MYH10: variants seen among roughly 807,000 people sequenced by gnomAD.
The protein encoded by MYH10 is myosin-10.
MYH10 carries 55 observed loss-of-function variants against 257.8 expected under a neutral mutation model. The ratio of observed to expected loss-of-function variants is 0.21; its 90% CI spans 0.17 to 0.27. MYH10 has a LOEUF of 0.27. MYH10 is among the 10% of genes least tolerant of loss of function. The probability of loss-of-function intolerance (pLI) is 1.00; values close to 1 mark genes in which losing one functional copy is unlikely to be tolerated. For synonymous variants in MYH10, 854 were observed against 921.7 expected, an observed-to-expected ratio of 0.93 and a Z score of 1.33; for missense variants, 1,631 against 2,500.6, an observed-to-expected ratio of 0.65 and a Z score of 7.42.
At chr17:8,585,015 G>A (rs2083842483) in intron 4 of MYH10, among the ~76,000 whole-genome samples, 1 of 151,698 alleles carries the variant, frequency 6.6e-6, no homozygotes, top group South Asian at 2.1e-4. Context: ...GGCCAATTTT[G>A]TATTTTTAGT....
At chr17:8,491,976 G>A (rs1249278733) in intron 34 of MYH10, among the ~76,000 whole-genome samples, 1 of 152,136 alleles carries the variant, frequency 6.6e-6, no homozygotes, top group Non-Finnish European at 1.5e-5. Flanking sequence ...TACCTGTGAC[G>A]GCAGAACCAT....
chr17:8,480,298 C>A lies in MYH10; in HGVS notation c.5409G>T (p.Glu1803Asp). Residue 1803 changes from glutamate (E) to aspartate (D), a missense_variant, in exon 40 of 43, where the codon GAG becomes GAT. Glu to Asp is a conservative substitution (Grantham distance 45). Transcript: ENST00000360416. ...TTLQVDTLNA[E>D]LAAERSAAQK... is the part of the protein sequence containing the mutation. The stretch of plus-strand genomic sequence containing the variant: ...GGGCGGCGCTGCGCTCGGCTGCTAG[C>A]TCGGCGTTCAGTGTGTCCACCTAGA... 1 of 1,614,150 alleles carries A rather than the reference C, an allele frequency of 6.2e-7. No homozygotes were observed. The highest frequency in any genetic ancestry group is 8.5e-7 in the Non-Finnish European group (1 of 1,180,034).
At chr17:8,519,755 A>G (rs1403481201) in intron 19 of MYH10, among the ~76,000 whole-genome samples, 1 of 152,144 alleles carries the variant, frequency 6.6e-6, no homozygotes, top group Admixed American at 6.6e-5. Context: ...TTGACCTGGC[A>G]GCACCATTTA....
chr17:8,528,371 C>T (rs907868563), intron 17 of MYH10, among the ~76,000 whole-genome samples: 2 of 152,146 alleles, frequency 1.3e-5, no homozygotes, highest in Non-Finnish European at 2.9e-5. Context: ...GCATCTTCCA[C>T]TACTGGTTTA....
At chr17:8,488,273 A>T (rs1249063754) in intron 35 of MYH10, among the ~76,000 whole-genome samples, 2 of 152,150 alleles carry the variant, frequency 1.3e-5, no homozygotes, top group Non-Finnish European at 2.9e-5. Context: ...CTGTGCTCAC[A>T]CTGTGTGAGG....
chr17:8,504,354 C>T lies in MYH10; in HGVS notation c.3599+340G>A, dbSNP rs2081004606. On this transcript the variant is annotated intron_variant, in intron 28 of 42. Transcript: ENST00000360416. The surrounding 1 kb of genome is among the most constrained non-coding windows in gnomAD (Gnocchi z 5.6). Reference sequence around the variant, plus strand: ...CTCCTATTCCTGTGTTTACCCTTCTCCCTCTGGTCCTATCTATCTAAATCT... The same window carrying T: ...CTCCTATTCCTGTGTTTACCCTTCTTCCTCTGGTCCTATCTATCTAAATCT... 6.6e-6 allele frequency among the ~76,000 whole-genome samples: 1 copy of T among 152,152 alleles called. No individual in the cohort carries two copies. The highest frequency in any genetic ancestry group is 2.4e-5 in the African/African-American group (1 of 41,418).
chr17:8,592,940 T>C (rs1010507280), intron 3 of MYH10, among the ~76,000 whole-genome samples: 1,287 of 86,796 alleles, frequency 0.015, 164 homozygotes, highest in African/African-American at 0.048. Flanking sequence ...CAGCTATATA[T>C]ATATATATAT....
At chr17:8,576,753 G>T in intron 5 of MYH10, 81 bp from the exon 6 acceptor site, 1 of 1,372,512 alleles carries the variant, frequency 7.3e-7, no homozygotes, top group Non-Finnish European at 1.0e-6. Flanking sequence ...AAAGCACCAA[G>T]CCAATGTGCA....
chr17:8,609,929 G>C (rs2084960814), intron 2 of MYH10, among the ~76,000 whole-genome samples: 1 of 151,798 alleles, frequency 6.6e-6, no homozygotes, highest in African/African-American at 2.4e-5. Context: ...AGAAAACTGT[G>C]TGTGTGGAGG....
chr17:8,591,967 G>A (rs553213415), intron 3 of MYH10, among the ~76,000 whole-genome samples: 10 of 152,242 alleles, frequency 6.6e-5, no homozygotes, highest in African/African-American at 2.4e-4. Context: ...TACCCTTCAA[G>A]GATCAACTGC....
chr17:8,506,631 G>A lies in MYH10; in HGVS notation c.3215-142C>T. 1.3e-6 allele frequency: 1 copy of A among 794,708 alleles called. No individual in the cohort carries two copies. 49.2% of individuals were successfully genotyped at this position (794,708 alleles called of 1,614,324 possible). A position where few individuals can be genotyped will look rare whatever the true frequency, so the allele number is the denominator to read the frequency against. On this transcript the variant is annotated intron_variant, in intron 26 of 42. Transcript: ENST00000360416. This position sits in a 1 kb window ranked among gnomAD's most constrained non-coding sequence, Gnocchi z 5.0. ...TGCCCTGATGACATGGTCATGCGCTGATGTCAACTGCTCAGTCATTTCAAA... is the reference window on the plus strand; with the variant it reads ...TGCCCTGATGACATGGTCATGCGCTAATGTCAACTGCTCAGTCATTTCAAA...
intron 2 of MYH10, among the ~76,000 whole-genome samples, chr17:8,620,453 G>A (rs2085421672): frequency 6.8e-6 from 1 of 147,624 alleles, no homozygotes; most frequent in Non-Finnish European, 1.5e-5. Context: ...TAGGAAAGAA[G>A]ATGAAAATTA....
intron 2 of MYH10, among the ~76,000 whole-genome samples, chr17:8,618,640 C>T (rs1009887126): frequency 5.9e-5 from 9 of 152,160 alleles, no homozygotes; most frequent in Admixed American, 2.0e-4. Context: ...GTTTACCTTG[C>T]GTATTGAACA....
At position 8,514,495 on chromosome 17, in the gene MYH10, A is replaced by G. The variant is rs143806857; in HGVS notation, c.2505-601T>C. On this transcript the variant is annotated intron_variant, in intron 21 of 42. Coordinates refer to ENST00000360416, the MANE Select transcript of MYH10 (RefSeq NM_001256012.3). ...GTGGAGCCCTCACCTCCTTGTGACC[A>G]TACCTGGGCTTCCCACTACACCCTG... Among the ~76,000 whole-genome samples, 205 of 151,980 alleles carry G rather than the reference A, an allele frequency of 1.3e-3. 1 individual carries two copies. Among genetic ancestry groups the G allele is most frequent in the Admixed American group, 2.2e-3 (34 of 15,282 alleles).
At chr17:8,483,086 T>C (rs2151785318) in intron 37 of MYH10, among the ~76,000 whole-genome samples, 1 of 152,314 alleles carries the variant, frequency 6.6e-6, no homozygotes, top group African/African-American at 2.4e-5. Flanking sequence ...GCCATACATT[T>C]GGAAATTTAA....
chr17:8,576,691 C>T lies in MYH10; in HGVS notation c.634-19G>A. ...ATTCCTGCTGTTCATTACAAACAGA[C>T]AAATGCAAATGTTAGCAAGTTTGAG... On this transcript the variant is annotated intron_variant, in intron 5 of 42. Coordinates refer to ENST00000360416, the MANE Select transcript of MYH10 (RefSeq NM_001256012.3). 1.9e-6 allele frequency: 3 copies of T among 1,550,232 alleles called. No homozygotes were observed. Among genetic ancestry groups the T allele is most frequent in the Non-Finnish European group, 2.6e-6 (3 of 1,146,782 alleles).
rs377262737 is a variant in MYH10 at position 8,623,087 on chromosome 17, G to A, written c.160C>T (p.Arg54Trp). 1.9e-5 allele frequency: 30 copies of A among 1,613,786 alleles called. 1 individual carries two copies. Among genetic ancestry groups the A allele is most frequent in the Middle Eastern group, 1.6e-4 (1 of 6,084 alleles). Residue 54 changes from arginine to tryptophan, a missense_variant, in exon 2 of 43, where the codon CGG (arginine) becomes TGG (tryptophan). Physicochemically the swap from Arg to Trp is moderately radical, Grantham distance 101. This residue lies in a region of MYH10 where 360 missense variants were observed against 581.9 expected (regional missense o/e 0.62). Transcript: ENST00000360416. ...AACTCCACCATAACTTCATCTCCCC[G>A]TTCTTCTTTGATACTAGCTGCCTCA... ...GFEAASIKEE[R>W]GDEVMVELAE...
intron 17 of MYH10, among the ~76,000 whole-genome samples, chr17:8,526,714 T>A (rs2081859174): frequency 6.6e-6 from 1 of 152,192 alleles, no homozygotes; most frequent in Admixed American, 6.5e-5. Context: ...CATCGCTTGG[T>A]ACCGAATCCT....
chr17:8,500,290 G>C (rs1197993807), intron 29 of MYH10, among the ~76,000 whole-genome samples: 1 of 152,196 alleles, frequency 6.6e-6, no homozygotes, highest in South Asian at 2.1e-4. Flanking sequence ...AGGGTGGCGT[G>C]AGTCACAGGG....
Sources: allele counts gnomAD v4.1 joint callset (sites outside exome capture counted in the v4.1 genomes callset), GRCh38; gene constraint gnomAD v4.1.1; regional missense constraint gnomAD v4.1.1; non-coding constraint Gnocchi (gnomAD v3.1); transcripts MANE v1.5; gene names NCBI Gene and HGNC (gene_info 2026-07-23, HGNC 2026-07-21).